The following CDKL1 variants were observed in gnomAD, a reference collection of about 807,000 sequenced individuals.
The protein encoded by CDKL1 is cyclin-dependent kinase-like 1.
Under a neutral mutation model 42.0 loss-of-function variants are expected in CDKL1, and 41 were observed. That is an observed-to-expected ratio of 0.98 (90% confidence interval 0.76 to 1.27). The LOEUF is 1.27. Among genes scored for constraint, CDKL1 ranks in the 50% most tolerant of loss-of-function variants. The pLI is 0.00. For missense variants in CDKL1, 394 were observed against 428.4 expected (o/e 0.92, Z 0.71); for synonymous variants, 153 against 158.6 (o/e 0.96, Z 0.26).
At chr14:50,362,302 G>A (rs1298116480) in intron 2 of CDKL1, 2 of 356,468 alleles carry the variant, frequency 5.6e-6, no homozygotes, top group Non-Finnish European at 1.1e-5. Flanking sequence ...GGGACTGGCA[G>A]GCAGCTCCAC....
intron 1 of CDKL1, 81 bp from the exon 2 acceptor site, chr14:50,396,410 G>C (rs779887719): frequency 1.0e-6 from 1 of 985,566 alleles, no homozygotes; most frequent in Non-Finnish European, 1.2e-6. Flanking sequence ...TAACAGCCTA[G>C]AGTTAGCTGC....
chr14:50,359,694 C>G (rs116569993), intron 2 of CDKL1, among the ~76,000 whole-genome samples: 128 of 148,186 alleles, frequency 8.6e-4, no homozygotes, highest in African/African-American at 3.1e-3. Flanking sequence ...TTTTGTTTAT[C>G]AAAATTGTGT....
At chr14:50,362,219 A>G in intron 2 of CDKL1, 1 of 285,208 alleles carries the variant, frequency 3.5e-6, no homozygotes, top group Non-Finnish European at 6.8e-6. Flanking sequence ...CTCCACGATC[A>G]GAACCGCCCC....
intron 5 of CDKL1, 130 bp from the exon 6 acceptor site, chr14:50,341,362 T>G (rs949770473): frequency 7.8e-7 from 1 of 1,288,828 alleles, no homozygotes; most frequent in East Asian, 2.9e-5. Context: ...TCAATTCTAG[T>G]TGCACATTCA....
At chr14:50,334,827 C>G (rs2033164550) in intron 7 of CDKL1, 1 of 526,502 alleles carries the variant, frequency 1.9e-6, no homozygotes. Context: ...TCCAAATTTG[C>G]TTCGTAACTA....
chr14:50,331,914 A>G, intron 9 of CDKL1: 1 of 947,118 alleles, frequency 1.1e-6, no homozygotes, highest in Non-Finnish European at 1.5e-6. Context: ...AGTGTACATG[A>G]TGACACAGAA....
intron 2 of CDKL1, among the ~76,000 whole-genome samples, chr14:50,383,550 CA>C (rs72048788): frequency 1.1e-3 from 159 of 140,292 alleles, no homozygotes; most frequent in Middle Eastern, 3.8e-3. Context: ...GAGACTGTCT[CA>C]AAAAAAAAAA....
In CDKL1 at chr14:50,326,269, A is replaced by T; in HGVS notation, c.*3805T>A. The stretch of plus-strand genomic sequence containing the variant: ...AAAAATGTAAACTAGGTAACATTTT[A>T]ATTCTAATATATTCATTTAATATGT... On this transcript the variant is annotated 3_prime_UTR_variant, in exon 10 of 10. Transcript: ENST00000395834. 2.2e-6 allele frequency: 1 copy of T among 460,016 alleles called. No individual in the cohort carries two copies. The highest frequency in any genetic ancestry group is 2.9e-6 in the Non-Finnish European group (1 of 350,432). 28.5% of individuals were successfully genotyped at this position (460,016 alleles called of 1,614,324 possible).
chr14:50,378,085 C>A, intron 2 of CDKL1: 1 of 1,156,782 alleles, frequency 8.6e-7, no homozygotes, highest in East Asian at 5.0e-5. Context: ...CGAGAAAGAG[C>A]CTGAGAATCT....
At chr14:50,377,541 C>T (rs1377730837) in intron 2 of CDKL1, 5 of 1,305,214 alleles carry the variant, frequency 3.8e-6, no homozygotes, top group Non-Finnish European at 5.0e-6. Context: ...CCATTGGTAC[C>T]TGAAGTGGCC....
At chr14:50,342,101 A>G (rs370454943) in intron 5 of CDKL1, 31 bp downstream of exon 5, 71 of 1,575,574 alleles carry the variant, frequency 4.5e-5, no homozygotes, top group Non-Finnish European at 5.7e-5. Context: ...TTCATTTTTT[A>G]TACTTAACAA....
chr14:50,385,758 T>C (rs956309325), intron 2 of CDKL1, among the ~76,000 whole-genome samples: 1 of 139,852 alleles, frequency 7.2e-6, no homozygotes, highest in African/African-American at 2.7e-5. Context: ...GAGTTGAGAT[T>C]GCGCCACTGC....
chr14:50,358,725 C>T (rs191750918), intron 3 of CDKL1, among the ~76,000 whole-genome samples: 71 of 145,598 alleles, frequency 4.9e-4, no homozygotes, highest in Non-Finnish European at 7.6e-4. Flanking sequence ...CTGCAACCTC[C>T]GCCTCCCAAG....
At chr14:50,344,115 G>A (rs559300418) in intron 4 of CDKL1, among the ~76,000 whole-genome samples, 2 of 152,354 alleles carry the variant, frequency 1.3e-5, no homozygotes, top group South Asian at 4.1e-4. Flanking sequence ...ATTGGATGGG[G>A]CAGCAGGCTT....
intron 2 of CDKL1, among the ~76,000 whole-genome samples, chr14:50,373,982 T>G (rs1424932640): frequency 6.6e-6 from 1 of 152,256 alleles, no homozygotes; most frequent in Non-Finnish European, 1.5e-5. Flanking sequence ...GCAAATGTTT[T>G]TAACAGCTTT....
At chr14:50,385,579 G>C (rs1307679397) in intron 2 of CDKL1, among the ~76,000 whole-genome samples, 1 of 152,108 alleles carries the variant, frequency 6.6e-6, no homozygotes, top group African/African-American at 2.4e-5. Flanking sequence ...GCCAAGGCGG[G>C]TGGATCACAA....
At chr14:50,390,663 T>C (rs956834759) in intron 2 of CDKL1, among the ~76,000 whole-genome samples, 9 of 152,200 alleles carry the variant, frequency 5.9e-5, no homozygotes, top group African/African-American at 2.2e-4. Context: ...TGTATTTGTA[T>C]GGTTTGTATT....
intron 8 of CDKL1, chr14:50,333,488 C>T (rs555918794): frequency 6.6e-6 from 1 of 152,000 alleles, no homozygotes; most frequent in South Asian, 2.1e-4. Context: ...GAGGAACCCT[C>T]AGTTCCAGAA....
chr14:50,345,001 A>C lies in CDKL1; in HGVS notation c.348T>G (p.Phe116Leu), dbSNP rs767239345. Reference sequence around the variant, plus strand: ...TGAGACTTACATTGTGTTTATGGCAAAAATTTACAGCTTGCAGTGTCTGCC... The same window carrying C: ...TGAGACTTACATTGTGTTTATGGCACAAATTTACAGCTTGCAGTGTCTGCC... The part of the protein sequence containing the change: ...ITWQTLQAVN[F>L]CHKHNCIHRD... Residue 116 changes from phenylalanine to leucine, a missense_variant, in exon 4 of 10, where the codon TTT (phenylalanine) becomes TTG (leucine). Phe to Leu is a conservative substitution (Grantham distance 22). Coordinates refer to ENST00000395834, the MANE Select transcript of CDKL1 (RefSeq NM_004196.7). 3.7e-6 allele frequency: 6 copies of C among 1,614,084 alleles called. No individual in the cohort carries two copies. In the Admixed American group the frequency reaches 1.0e-4, roughly 27 times the overall value.
Sources: gnomAD v4.1 joint callset for allele counts (sites outside exome capture counted in the v4.1 genomes callset) on GRCh38, gnomAD v4.1.1 for gene constraint, MANE v1.5 for transcripts, NCBI Gene and HGNC (gene_info 2026-07-23, HGNC 2026-07-21) for gene names.